The following BMPR1B variants were observed in gnomAD, a reference collection of about 807,000 sequenced individuals.
BMPR1B encodes the protein bone morphogenetic protein receptor type-1B.
Under a neutral mutation model 59.1 loss-of-function variants are expected in BMPR1B, and 12 were observed. The observed-to-expected ratio is 0.20, with a 90% CI of 0.13 to 0.33. The LOEUF (loss-of-function observed/expected upper bound fraction) is 0.33, where lower values mean the gene tolerates loss of function less well. BMPR1B is among the 10% of genes least tolerant of loss of function. BMPR1B has a pLI of 1.00. For synonymous variants in BMPR1B, 237 were observed against 207.3 expected, an observed-to-expected ratio of 1.14 and a Z score of -1.23; for missense variants, 550 against 610.9, an observed-to-expected ratio of 0.90 and a Z score of 1.05.
intron 3 of BMPR1B, among the ~76,000 whole-genome samples, chr4:95,076,601 T>C (rs1037655360): frequency 2.0e-5 from 3 of 152,074 alleles, no homozygotes; most frequent in African/African-American, 7.2e-5. Context: ...AAATGAAAGT[T>C]CATGGAGGTT....
intron 3 of BMPR1B, among the ~76,000 whole-genome samples, chr4:95,091,796 G>T (rs1423164747): frequency 6.6e-6 from 1 of 151,698 alleles, no homozygotes; most frequent in Non-Finnish European, 1.5e-5. Flanking sequence ...CAAAAATTTT[G>T]TCTAAAAAAA....
intron 2 of BMPR1B, among the ~76,000 whole-genome samples, chr4:94,988,700 C>G (rs1469836251): frequency 1.3e-5 from 2 of 152,094 alleles, no homozygotes; most frequent in Non-Finnish European, 2.9e-5. Flanking sequence ...AATAAAGTGG[C>G]AGCAGTAAGG....
intron 1 of BMPR1B, among the ~76,000 whole-genome samples, chr4:94,844,223 T>TTGTG (rs150471976): frequency 0.041 from 5,943 of 146,590 alleles, 167 homozygotes; most frequent in African/African-American, 0.076. Context: ...TGAATCATCT[T>TTGTG]TGTGTGTGTG....
rs182537208 is a variant in BMPR1B at position 94,953,722 on chromosome 4, C to T, written c.-112-42318C>T. Among the ~76,000 whole-genome samples the T allele has an allele frequency of 5.5e-3, 831 of 152,070 alleles. 4 individuals are homozygous for T. Among genetic ancestry groups the T allele is most frequent in the Non-Finnish European group, 8.6e-3 (582 of 68,004 alleles). ...TTCATTTCAACTGTGATGAATCTGA[C>T]GATTATGTGTCTTGGGGTTGCCGTT... is the stretch of plus-strand genomic sequence containing the variant. On this transcript the variant is annotated intron_variant, in intron 2 of 12. Transcript: ENST00000515059.
At chr4:94,924,675 A>T (rs931422224) in intron 2 of BMPR1B, among the ~76,000 whole-genome samples, 5 of 152,148 alleles carry the variant, frequency 3.3e-5, no homozygotes, top group African/African-American at 7.2e-5. Flanking sequence ...CTGACTTCAC[A>T]TCATGTGTGC....
chr4:94,877,033 C>T (rs772955726), intron 2 of BMPR1B, among the ~76,000 whole-genome samples: 13 of 152,158 alleles, frequency 8.5e-5, no homozygotes, highest in East Asian at 3.9e-4. Flanking sequence ...TTACTCCTTT[C>T]GGGGCTATAA....
At chr4:95,052,180 A>G (rs1017039371) in intron 3 of BMPR1B, among the ~76,000 whole-genome samples, 1 of 152,172 alleles carries the variant, frequency 6.6e-6, no homozygotes, top group African/African-American at 2.4e-5. Context: ...TTTGAAGTTC[A>G]TCATCATTTT....
intron 10 of BMPR1B, among the ~76,000 whole-genome samples, chr4:95,140,993 A>G (rs767552260): frequency 6.6e-6 from 1 of 152,176 alleles, no homozygotes; most frequent in Non-Finnish European, 1.5e-5. Context: ...TTTACTTGGC[A>G]TATATTAACT....
chr4:94,869,766 T>C (rs1726405825), intron 1 of BMPR1B, among the ~76,000 whole-genome samples: 1 of 152,230 alleles, frequency 6.6e-6, no homozygotes, highest in Non-Finnish European at 1.5e-5. Context: ...GCATTTCTTT[T>C]AAAAATTTAG....
intron 2 of BMPR1B, among the ~76,000 whole-genome samples, chr4:94,897,603 A>G (rs1460924719): frequency 6.6e-6 from 1 of 152,126 alleles, no homozygotes; most frequent in African/African-American, 2.4e-5. Context: ...GCAATAATGT[A>G]CATGTTCTTC....
intron 2 of BMPR1B, among the ~76,000 whole-genome samples, chr4:94,982,319 C>G (rs1323726239): frequency 6.6e-6 from 1 of 150,936 alleles, no homozygotes; most frequent in Non-Finnish European, 1.5e-5. Context: ...AAAAACAAAA[C>G]AAACAAACCA....
intron 1 of BMPR1B, among the ~76,000 whole-genome samples, chr4:94,834,950 T>A (rs1444675908): frequency 6.8e-6 from 1 of 148,006 alleles, no homozygotes; most frequent in Non-Finnish European, 1.5e-5. Context: ...TTGTTTTTTT[T>A]TTTTTTAAAT....
intron 2 of BMPR1B, among the ~76,000 whole-genome samples, chr4:94,985,529 G>GTGTT (rs1303195684): frequency 0.23 from 33,459 of 148,242 alleles, 4,710 homozygotes; most frequent in South Asian, 0.38. Context: ...GTGTGTGTGT[G>GTGTT]TGTGTGTGTG....
intron 3 of BMPR1B, among the ~76,000 whole-genome samples, chr4:95,085,796 A>G (rs761392293): frequency 2.0e-5 from 3 of 152,198 alleles, no homozygotes; most frequent in Non-Finnish European, 2.9e-5. Context: ...CAGGCATTTT[A>G]TGAAGAACTT....
intron 1 of BMPR1B, among the ~76,000 whole-genome samples, chr4:94,818,057 A>C (rs1724073437): frequency 6.6e-6 from 1 of 152,198 alleles, no homozygotes; most frequent in Non-Finnish European, 1.5e-5. Flanking sequence ...AGAGGATTCC[A>C]TTGTTAACCC....
At chr4:95,001,209 A>G (rs972638421) in intron 3 of BMPR1B, among the ~76,000 whole-genome samples, 9 of 152,130 alleles carry the variant, frequency 5.9e-5, no homozygotes, top group African/African-American at 2.2e-4. Context: ...CATCATTTAC[A>G]TAAGGCCAGT....
intron 1 of BMPR1B, among the ~76,000 whole-genome samples, chr4:94,821,197 A>T (rs1230378442): frequency 6.6e-6 from 1 of 152,194 alleles, no homozygotes; most frequent in East Asian, 1.9e-4. Flanking sequence ...CTTTCTTTTG[A>T]AATTAAATTT....
intron 3 of BMPR1B, among the ~76,000 whole-genome samples, chr4:95,014,354 C>T (rs1448309121): frequency 6.6e-6 from 1 of 152,070 alleles, no homozygotes; most frequent in African/African-American, 2.4e-5. Flanking sequence ...GATTCAAAGA[C>T]ATTAAGAATA....
At chr4:95,068,750 A>C (rs983726216) in intron 3 of BMPR1B, among the ~76,000 whole-genome samples, 5 of 152,158 alleles carry the variant, frequency 3.3e-5, no homozygotes, top group African/African-American at 1.2e-4. Context: ...GTTATTTCAC[A>C]ACCCCAGTCA....
Sources: allele counts gnomAD v4.1 joint callset (sites outside exome capture counted in the v4.1 genomes callset), GRCh38; gene constraint gnomAD v4.1.1; transcripts MANE v1.5; gene names NCBI Gene and HGNC (gene_info 2026-07-23, HGNC 2026-07-21).